Variants in CFAP210 observed in about 807,000 individuals in gnomAD.
The protein encoded by CFAP210 is cilia and flagella associated protein 210, also known as cilia- and flagella- associated protein 210.
chr2:169,650,336 G>T, the CFAP210 span: 10 of 1,585,206 alleles, frequency 6.3e-6, no homozygotes, highest in African/African-American at 1.4e-5. Context: ...TACCACAATG[G>T]CTCGATATTC....
chr2:169,654,865 T>C, the CFAP210 span, among the ~76,000 whole-genome samples: 1 of 152,098 alleles, frequency 6.6e-6, no homozygotes, highest in Non-Finnish European at 1.5e-5. Context: ...ACATACACAG[T>C]GTAGCGAGCG....
At chr2:169,646,142 T>C in the CFAP210 span, 3 of 1,613,294 alleles carry the variant, frequency 1.9e-6, no homozygotes, top group Non-Finnish European at 2.5e-6. Context: ...ATAATCTAAT[T>C]CTGCTTGTTT....
At chr2:169,664,712 T>C in the CFAP210 span, among the ~76,000 whole-genome samples, 1 of 152,226 alleles carries the variant, frequency 6.6e-6, no homozygotes, top group Non-Finnish European at 1.5e-5. Flanking sequence ...CAAAACTCTT[T>C]CCTGCTGATT....
the CFAP210 span, among the ~76,000 whole-genome samples, chr2:169,669,811 G>T: frequency 6.6e-6 from 1 of 151,298 alleles, no homozygotes; most frequent in East Asian, 1.9e-4. Flanking sequence ...GGAAACGCTG[G>T]AAATCAATAA....
At chr2:169,656,481 G>A in the CFAP210 span, among the ~76,000 whole-genome samples, 3 of 147,138 alleles carry the variant, frequency 2.0e-5, no homozygotes, top group African/African-American at 5.1e-5. Context: ...AGGAGAAGGT[G>A]GTGGAGAAGG....
chr2:169,687,018 G>A, the CFAP210 span, among the ~76,000 whole-genome samples: 1 of 152,168 alleles, frequency 6.6e-6, no homozygotes, highest in Non-Finnish European at 1.5e-5. Context: ...AACAGAAAAC[G>A]AGGAAGAAGC....
At chr2:169,646,703 T>C in the CFAP210 span, among the ~76,000 whole-genome samples, 1 of 152,214 alleles carries the variant, frequency 6.6e-6, no homozygotes, top group East Asian at 1.9e-4. Flanking sequence ...GTGACATTTA[T>C]CAATGTAGGT....
At chr2:169,650,865 G>A in the CFAP210 span, among the ~76,000 whole-genome samples, 4 of 151,980 alleles carry the variant, frequency 2.6e-5, no homozygotes, top group South Asian at 8.3e-4. Context: ...TTGGGAGGCT[G>A]AGGTGGTAGG....
the CFAP210 span, among the ~76,000 whole-genome samples, chr2:169,693,163 T>G: frequency 2.6e-5 from 4 of 152,276 alleles, no homozygotes; most frequent in African/African-American, 9.6e-5. Flanking sequence ...TTATTTATTT[T>G]ACTAATAGCT....
chr2:169,667,055 T>C, the CFAP210 span, among the ~76,000 whole-genome samples: 1 of 152,092 alleles, frequency 6.6e-6, no homozygotes, highest in African/African-American at 2.4e-5. Context: ...CTCAAAGTCA[T>C]CCATGAAGTT....
the CFAP210 span, among the ~76,000 whole-genome samples, chr2:169,683,331 G>A: frequency 6.6e-6 from 1 of 152,160 alleles, no homozygotes; most frequent in East Asian, 1.9e-4. Context: ...TGTGTCTCCC[G>A]TATCTGGGGA....
At chr2:169,690,296 G>A in the CFAP210 span, among the ~76,000 whole-genome samples, 1 of 152,186 alleles carries the variant, frequency 6.6e-6, no homozygotes, top group East Asian at 1.9e-4. Context: ...GAGCTGGAAA[G>A]TGCTCCTTCC....
the CFAP210 span, among the ~76,000 whole-genome samples, chr2:169,669,994 C>T: frequency 6.6e-6 from 1 of 152,100 alleles, no homozygotes; most frequent in South Asian, 2.1e-4. Context: ...GCCCTCTTCT[C>T]TCTTTCTACT....
chr2:169,686,441 G>A, the CFAP210 span, among the ~76,000 whole-genome samples: 1 of 152,074 alleles, frequency 6.6e-6, no homozygotes, highest in Non-Finnish European at 1.5e-5. Flanking sequence ...CAGAATACCT[G>A]AAACTAGATA....
chr2:169,657,376 G>A, the CFAP210 span, among the ~76,000 whole-genome samples: 1 of 152,012 alleles, frequency 6.6e-6, no homozygotes, highest in Non-Finnish European at 1.5e-5. Flanking sequence ...GAGCACCAGA[G>A]ATAAAGACAG....
At chr2:169,660,922 C>T in the CFAP210 span, 68 of 442,762 alleles carry the variant, frequency 1.5e-4, no homozygotes, top group Admixed American at 1.8e-3. Flanking sequence ...ATTATTAATC[C>T]TTATACAACT....
At chr2:169,667,199 C>T in the CFAP210 span, among the ~76,000 whole-genome samples, 14 of 147,312 alleles carry the variant, frequency 9.5e-5, no homozygotes, top group Non-Finnish European at 1.5e-4. Flanking sequence ...AGTGCAATGG[C>T]GCAATCTCGG....
At chr2:169,669,049 G>A in the CFAP210 span, among the ~76,000 whole-genome samples, 4 of 152,296 alleles carry the variant, frequency 2.6e-5, no homozygotes, top group Admixed American at 6.5e-5. Context: ...ATTACAAATC[G>A]TAGTGTTTTT....
At chr2:169,650,441 A>G in the CFAP210 span, 1 of 1,606,280 alleles carries the variant, frequency 6.2e-7, no homozygotes, top group Non-Finnish European at 8.5e-7. Flanking sequence ...TCTAGCAATA[A>G]TCATATCTTC....
Sources: allele counts gnomAD v4.1 joint callset (sites outside exome capture counted in the v4.1 genomes callset), GRCh38; gene constraint gnomAD v4.1.1; transcripts MANE v1.5; gene names NCBI Gene and HGNC (gene_info 2026-07-23, HGNC 2026-07-21).